PLCB4: variants seen among roughly 807,000 people sequenced by gnomAD.
PLCB4 encodes 1-phosphatidylinositol 4,5-bisphosphate phosphodiesterase beta-4.
In PLCB4, 77 loss-of-function variants were observed where a neutral mutation model predicts 178.8. The ratio of observed to expected loss-of-function variants is 0.43; its 90% CI spans 0.36 to 0.52. The LOEUF (loss-of-function observed/expected upper bound fraction) is 0.52, where lower values mean the gene tolerates loss of function less well. PLCB4 is among the 20% of genes least tolerant of loss of function. PLCB4 has a pLI of 0.00. For missense variants in PLCB4, 1,024 were observed against 1,453.4 expected, an observed-to-expected ratio of 0.70 and a Z score of 4.80; for synonymous variants, 496 against 490.8, an observed-to-expected ratio of 1.01 and a Z score of -0.14.
intron 7 of PLCB4, among the ~76,000 whole-genome samples, chr20:9,360,286 C>G (rs1415673328): frequency 6.6e-6 from 1 of 152,162 alleles, no homozygotes; most frequent in Non-Finnish European, 1.5e-5. Flanking sequence ...GGAGTGATGG[C>G]CTTAAAGGTC....
At chr20:9,175,489 C>T (rs950448434) in intron 2 of PLCB4, among the ~76,000 whole-genome samples, 7 of 152,152 alleles carry the variant, frequency 4.6e-5, no homozygotes, top group Non-Finnish European at 8.8e-5. Context: ...GGATTGGCAT[C>T]AGGAAGAAAT....
At chr20:9,441,017 G>A (rs898506679) in intron 30 of PLCB4, among the ~76,000 whole-genome samples, 1 of 152,176 alleles carries the variant, frequency 6.6e-6, no homozygotes, top group Non-Finnish European at 1.5e-5. Flanking sequence ...GTGAGGTAAA[G>A]TAGAGATGAA....
At chr20:9,248,176 T>C (rs535107066) in intron 3 of PLCB4, among the ~76,000 whole-genome samples, 1 of 152,252 alleles carries the variant, frequency 6.6e-6, no homozygotes, top group South Asian at 2.1e-4. Flanking sequence ...TCTGTGTATA[T>C]ATATGTATAT....
intron 3 of PLCB4, among the ~76,000 whole-genome samples, chr20:9,294,649 C>CT (rs939001353): frequency 4.6e-5 from 7 of 152,096 alleles, no homozygotes; most frequent in African/African-American, 1.4e-4. Flanking sequence ...CCTCTTCCCC[C>CT]TTTTTTCCTT....
chr20:9,286,956 A>G (rs2094541217), intron 3 of PLCB4, among the ~76,000 whole-genome samples: 1 of 152,054 alleles, frequency 6.6e-6, no homozygotes, highest in Admixed American at 6.6e-5. Flanking sequence ...TCTGTGAGTC[A>G]AAGAATACCA....
chr20:9,086,489 A>C (rs577518917), intron 1 of PLCB4, among the ~76,000 whole-genome samples: 1 of 152,160 alleles, frequency 6.6e-6, no homozygotes, highest in East Asian at 1.9e-4. Flanking sequence ...ATCATTTTTT[A>C]TATCTATCCT....
Position 9,357,974 on chromosome 20 carries a change from T to TA in PLCB4, c.370-4918dup, listed in dbSNP as rs2034992040. Among the ~76,000 whole-genome samples the TA allele has an allele frequency of 2.6e-5, 4 of 152,226 alleles. No individual in the cohort carries two copies. The South Asian group carries it at 8.3e-4, about 32-fold the overall frequency. Reference sequence around the variant, plus strand: ...CACACCAGTCATCTGGGGATCATGCTAAAATGCAGATTCTGATTCCATGGT... The same window carrying TA: ...CACACCAGTCATCTGGGGATCATGCTAAAAATGCAGATTCTGATTCCATGGT... On this transcript the variant is annotated intron_variant, in intron 7 of 39. Coordinates refer to ENST00000378473, the MANE Select transcript of PLCB4 (RefSeq NM_001377142.1).
intron 3 of PLCB4, among the ~76,000 whole-genome samples, chr20:9,276,161 C>T (rs2094448632): frequency 6.6e-6 from 1 of 152,036 alleles, no homozygotes; most frequent in Non-Finnish European, 1.5e-5. Flanking sequence ...CAATACTGGG[C>T]AGGTGAAGGG....
intron 2 of PLCB4, among the ~76,000 whole-genome samples, chr20:9,169,632 C>T (rs2093031931): frequency 6.6e-6 from 1 of 150,754 alleles, no homozygotes; most frequent in Non-Finnish European, 1.5e-5. Context: ...AATACTCTGC[C>T]AGGGTTCTAG....
intron 1 of PLCB4, among the ~76,000 whole-genome samples, chr20:9,078,363 C>CTTTTA (rs1345695732): frequency 2.0e-5 from 3 of 151,146 alleles, no homozygotes; most frequent in African/African-American, 7.3e-5. Context: ...CTTCTCTTTT[C>CTTTTA]TTTTCTTCTT....
At chr20:9,424,368 C>T (rs1261066784) in intron 28 of PLCB4, among the ~76,000 whole-genome samples, 1 of 152,096 alleles carries the variant, frequency 6.6e-6, no homozygotes, top group South Asian at 2.1e-4. Context: ...CTTCCAAATC[C>T]ACAAGAAAGT....
intron 28 of PLCB4, among the ~76,000 whole-genome samples, chr20:9,426,682 T>C (rs1375584262): frequency 1.3e-5 from 2 of 152,168 alleles, no homozygotes; most frequent in Admixed American, 1.3e-4. Flanking sequence ...TGGCCTTTTC[T>C]GTTTTATTTT....
At chr20:9,453,507 T>G in intron 33 of PLCB4, 45 bp downstream of exon 33, 1 of 1,197,900 alleles carries the variant, frequency 8.3e-7, no homozygotes, top group East Asian at 2.4e-5. Flanking sequence ...TATGTTTATA[T>G]TTTGTCTTTT....
intron 12 of PLCB4, among the ~76,000 whole-genome samples, chr20:9,377,372 T>TCTA: frequency 6.6e-6 from 1 of 152,330 alleles, no homozygotes. Flanking sequence ...TGCTTGTGTC[T>TCTA]CTGTGGAACT....
In PLCB4 at chr20:9,221,577, G is replaced by T. The variant is rs575629839; in HGVS notation, c.-16+4125G>T. ...TTTTTAATCCTTAGCCCATTTCCTG[G>T]TGTAGGTTAAGCACTTTCAGAGGCT... On this transcript the variant is annotated intron_variant, in intron 3 of 39. Transcript: ENST00000378473. 8.5e-5 allele frequency among the ~76,000 whole-genome samples: 13 copies of T among 152,242 alleles called. No homozygotes were observed. In the East Asian group the frequency reaches 2.5e-3, roughly 29 times the overall value.
chr20:9,465,156 C>G lies in PLCB4; in HGVS notation c.3249-3415C>G, dbSNP rs1422861573. On this transcript the variant is annotated intron_variant, in intron 35 of 39. Coordinates refer to ENST00000378473, the MANE Select transcript of PLCB4 (RefSeq NM_001377142.1). ...CATATGCAAATCAATAAATGTAATC[C>G]ATCACGTAAACAGAACCAATAACAA... Among the ~76,000 whole-genome samples, 3 of 152,160 alleles carry G rather than the reference C, an allele frequency of 2.0e-5. No homozygotes were observed. The South Asian group carries it at 6.2e-4, about 32-fold the overall frequency.
chr20:9,449,108 G>A (rs573564718), intron 32 of PLCB4, among the ~76,000 whole-genome samples: 37 of 152,020 alleles, frequency 2.4e-4, no homozygotes, highest in Non-Finnish European at 4.4e-4. Flanking sequence ...ACTTCAATTC[G>A]AAATGGAAAC....
At chr20:9,413,395 CACACCT>C (rs2039998263) in intron 25 of PLCB4, among the ~76,000 whole-genome samples, 2 of 150,054 alleles carry the variant, frequency 1.3e-5, no homozygotes, top group Admixed American at 1.3e-4. Context: ...GGCAGTGGCT[CACACCT>C]GGAATCCCAG....
chr20:9,441,905 C>T (rs1367531242), intron 30 of PLCB4, among the ~76,000 whole-genome samples: 2 of 120,494 alleles, frequency 1.7e-5, no homozygotes, highest in African/African-American at 5.6e-5. Context: ...ACTGCACCAA[C>T]ACGACTTTTT....
Sources: gnomAD v4.1 joint callset for allele counts (sites outside exome capture counted in the v4.1 genomes callset) on GRCh38, gnomAD v4.1.1 for gene constraint, MANE v1.5 for transcripts, NCBI Gene and HGNC (gene_info 2026-07-23, HGNC 2026-07-21) for gene names.